The following TTLL5 variants were observed in gnomAD, a reference collection of about 807,000 sequenced individuals.
The protein encoded by TTLL5 is tubulin polyglutamylase TTLL5.
A neutral mutation model predicts 168.4 loss-of-function variants in TTLL5; 132 were observed. That is an observed-to-expected ratio of 0.78 (90% confidence interval 0.68 to 0.91). TTLL5 has a LOEUF of 0.91. TTLL5 is among the 40% of genes least tolerant of loss of function. The probability of loss-of-function intolerance (pLI) is 0.00; values close to 1 mark genes in which losing one functional copy is unlikely to be tolerated. For missense variants in TTLL5, 1,545 were observed against 1,581.5 expected (o/e 0.98, Z 0.39); for synonymous variants, 546 against 558.6 (o/e 0.98, Z 0.32).
intron 12 of TTLL5, chr14:75,727,736 T>C (rs1230322038): frequency 2.5e-6 from 1 of 402,032 alleles, no homozygotes; most frequent in Non-Finnish European, 5.0e-6. Flanking sequence ...CTCAGAAACA[T>C]GGTAGATGAA....
At chr14:75,951,143 A>T (rs955916482) in intron 31 of TTLL5, among the ~76,000 whole-genome samples, 2 of 151,804 alleles carry the variant, frequency 1.3e-5, no homozygotes, top group Admixed American at 6.6e-5. Flanking sequence ...CAGGAGTTTT[A>T]GACCAGGCTG....
At chr14:75,878,055 C>T (rs2031592643) in intron 29 of TTLL5, among the ~76,000 whole-genome samples, 1 of 152,160 alleles carries the variant, frequency 6.6e-6, no homozygotes, top group Admixed American at 6.6e-5. Context: ...TTTCATTATC[C>T]GTTCAGTGTA....
chr14:75,952,116 T>C (rs2034980106), intron 31 of TTLL5, among the ~76,000 whole-genome samples: 1 of 152,156 alleles, frequency 6.6e-6, no homozygotes, highest in African/African-American at 2.4e-5. Flanking sequence ...GGTTTAAAGA[T>C]GAGCAAAGGA....
At chr14:75,867,836 A>C (rs781612505) in intron 29 of TTLL5, among the ~76,000 whole-genome samples, 2 of 152,116 alleles carry the variant, frequency 1.3e-5, no homozygotes, top group African/African-American at 4.8e-5. Context: ...GGAATGATCA[A>C]ACAAATCTGT....
intron 30 of TTLL5, among the ~76,000 whole-genome samples, chr14:75,886,072 G>C (rs550546784): frequency 2.0e-5 from 3 of 152,132 alleles, no homozygotes; most frequent in African/African-American, 2.4e-5. Flanking sequence ...TGCCATAGTC[G>C]CCTCAAGAGA....
intron 23 of TTLL5, among the ~76,000 whole-genome samples, chr14:75,778,712 GA>G (rs1420807620): frequency 2.0e-5 from 3 of 152,138 alleles, no homozygotes; most frequent in Non-Finnish European, 2.9e-5. Context: ...AAAAAGAAAA[GA>G]AAAAGGCCAT....
intron 28 of TTLL5, among the ~76,000 whole-genome samples, chr14:75,829,997 A>T (rs1247385797): frequency 6.6e-6 from 1 of 152,226 alleles, no homozygotes; most frequent in Non-Finnish European, 1.5e-5. Flanking sequence ...CAAGTTCACA[A>T]CTAAATGAGA....
intron 9 of TTLL5, among the ~76,000 whole-genome samples, chr14:75,708,106 T>C (rs1886785903): frequency 1.3e-5 from 2 of 152,216 alleles, no homozygotes; most frequent in South Asian, 4.1e-4. Flanking sequence ...TTGCCTATTA[T>C]ATGCCAGGCA....
In TTLL5 at chr14:75,783,190, C is replaced by A; in HGVS notation, c.2646C>A (p.Ser882Arg). ...AAAAAGAGGCAAAATTAGTTTATAG[C>A]AATTCCTCCTCTGGTCCTACTGCTA... ...SAEKEAKLVYSNSSSGPTATL... is the reference protein window; with the variant it reads ...SAEKEAKLVYRNSSSGPTATL... The change falls in exon 26 of 32, where the codon AGC (serine) becomes AGA (arginine). Residue 882 changes from serine (S) to arginine (R), a missense_variant. Ser to Arg is a moderately radical substitution (Grantham distance 110, BLOSUM62 -1). Transcript: ENST00000298832. 5 of 1,613,538 alleles carry A rather than the reference C, an allele frequency of 3.1e-6. No homozygotes were observed. Among genetic ancestry groups the A allele is most frequent in the Non-Finnish European group, 4.2e-6 (5 of 1,179,980 alleles).
intron 28 of TTLL5, among the ~76,000 whole-genome samples, chr14:75,837,754 G>A (rs1019130500): frequency 1.3e-5 from 2 of 152,068 alleles, no homozygotes; most frequent in Admixed American, 1.3e-4. Flanking sequence ...GTTTATCTAT[G>A]TTATAATGTG....
intron 13 of TTLL5, 97 bp from the exon 14 acceptor site, chr14:75,733,892 C>G: frequency 8.8e-7 from 1 of 1,135,112 alleles, no homozygotes; most frequent in Non-Finnish European, 1.3e-6. Flanking sequence ...TCTTCATTGA[C>G]ATTTGGAAAC....
intron 26 of TTLL5, among the ~76,000 whole-genome samples, chr14:75,789,271 G>A (rs1201385952): frequency 6.6e-6 from 1 of 152,090 alleles, no homozygotes; most frequent in Non-Finnish European, 1.5e-5. Context: ...GAAATTATAA[G>A]CATAAGGATC....
At chr14:75,924,532 T>G (rs1268744610) in intron 31 of TTLL5, among the ~76,000 whole-genome samples, 1 of 151,906 alleles carries the variant, frequency 6.6e-6, no homozygotes, top group African/African-American at 2.4e-5. Context: ...AAGCACATCT[T>G]GCACCACCCT....
chr14:75,760,301 CA>C (rs1342043568), intron 18 of TTLL5, among the ~76,000 whole-genome samples: 1 of 151,974 alleles, frequency 6.6e-6, no homozygotes, highest in Non-Finnish European at 1.5e-5. Context: ...AATACCTATA[CA>C]GTAAAAACTA....
intron 6 of TTLL5, among the ~76,000 whole-genome samples, chr14:75,698,203 C>T (rs967808072): frequency 2.0e-5 from 3 of 152,178 alleles, no homozygotes; most frequent in African/African-American, 7.2e-5. Flanking sequence ...CTGACACTCC[C>T]TAAGTGGAAG....
Position 75,882,894 on chromosome 14 carries a change from A to G in TTLL5, c.3732A>G (p.Lys1244=). ...EQVLRRATSQ[K]ASKGSSAEGQ... is the part of the protein sequence containing the mutation. ...TGCTCAGAAGGGCAACATCCCAGAA[A>G]GCTTCCAAGTAAGTTTTTTTCTGTT... The change falls in exon 30 of 32, where the codon AAA becomes AAG. Residue 1244 remains lysine, a synonymous_variant. Coordinates refer to ENST00000298832, the MANE Select transcript of TTLL5 (RefSeq NM_015072.5). 1.2e-6 allele frequency: 2 copies of G among 1,614,120 alleles called. No individual in the cohort carries two copies. The highest frequency in any genetic ancestry group is 1.7e-6 in the Non-Finnish European group (2 of 1,179,990).
chr14:75,694,047 G>T (rs956186920), intron 6 of TTLL5, among the ~76,000 whole-genome samples: 1 of 152,148 alleles, frequency 6.6e-6, no homozygotes, highest in Non-Finnish European at 1.5e-5. Context: ...TGCTGTTTCT[G>T]TTAGACCAAG....
At chr14:75,925,159 C>G (rs1296053571) in intron 31 of TTLL5, among the ~76,000 whole-genome samples, 1 of 145,592 alleles carries the variant, frequency 6.9e-6, no homozygotes, top group Non-Finnish European at 1.5e-5. Flanking sequence ...ACCTCCCTCC[C>G]GGACGGGGCG....
intron 28 of TTLL5, among the ~76,000 whole-genome samples, chr14:75,827,892 AT>A (rs1379343131): frequency 2.0e-5 from 3 of 150,790 alleles, no homozygotes; most frequent in African/African-American, 7.3e-5. Context: ...TAATTTTTGT[AT>A]TTTTTGTAGA....
Sources: allele counts gnomAD v4.1 joint callset (sites outside exome capture counted in the v4.1 genomes callset), GRCh38; gene constraint gnomAD v4.1.1; transcripts MANE v1.5; gene names NCBI Gene and HGNC (gene_info 2026-07-23, HGNC 2026-07-21).